Variants in LGSN observed in about 807,000 individuals in gnomAD.
LGSN encodes the protein lengsin.
In LGSN, 21 loss-of-function variants were observed where a neutral mutation model predicts 19.5. The ratio of observed to expected loss-of-function variants is 1.07; its 90% CI spans 0.76 to 1.55. The LOEUF is 1.55. LGSN is among the 40% of genes most tolerant of loss of function. The pLI is 0.00. For synonymous variants in LGSN, 257 were observed against 215.6 expected (o/e 1.19, Z -1.68); for missense variants, 673 against 608.5 (o/e 1.11, Z -1.12).
the LGSN span, among the ~76,000 whole-genome samples, chr6:63,331,430 T>G: frequency 3.9e-5 from 6 of 152,156 alleles, no homozygotes; most frequent in African/African-American, 1.4e-4. Context: ...ATGAGCCACC[T>G]CTTTTTCAGG....
At chr6:63,539,891 A>G in the LGSN span, among the ~76,000 whole-genome samples, 2 of 152,336 alleles carry the variant, frequency 1.3e-5, no homozygotes, top group South Asian at 4.1e-4. Context: ...TTTAAAAAAT[A>G]ATACAGTGAC....
the LGSN span, among the ~76,000 whole-genome samples, chr6:63,522,640 A>G: frequency 6.6e-6 from 1 of 152,188 alleles, no homozygotes; most frequent in Non-Finnish European, 1.5e-5. Context: ...GCCAGAAAAC[A>G]AATATTTGCT....
the LGSN span, among the ~76,000 whole-genome samples, chr6:63,381,177 G>A: frequency 6.6e-6 from 1 of 152,194 alleles, no homozygotes; most frequent in African/African-American, 2.4e-5. Flanking sequence ...GCTCCAGCCT[G>A]GGTGACAGAG....
At chr6:63,431,555 C>A in the LGSN span, among the ~76,000 whole-genome samples, 1 of 152,090 alleles carries the variant, frequency 6.6e-6, no homozygotes, top group African/African-American at 2.4e-5. Flanking sequence ...AGTTGTATGA[C>A]CTTGGCAAAT....
At chr6:63,310,451 C>T (rs1230124207) in intron 1 of LGSN, among the ~76,000 whole-genome samples, 1 of 151,944 alleles carries the variant, frequency 6.6e-6, no homozygotes, top group Admixed American at 6.6e-5. Context: ...TATTATCTCC[C>T]ATTTTTTGTG....
intron 1 of LGSN, among the ~76,000 whole-genome samples, chr6:63,303,372 A>G (rs1768262882): frequency 6.6e-6 from 1 of 152,224 alleles, no homozygotes. Context: ...CTCTCATGGA[A>G]CATTCCTAGA....
chr6:63,495,770 T>C, the LGSN span, among the ~76,000 whole-genome samples: 2 of 151,588 alleles, frequency 1.3e-5, no homozygotes, highest in Non-Finnish European at 2.9e-5. Context: ...TTAAATCTAA[T>C]GAGGGGATTA....
the LGSN span, among the ~76,000 whole-genome samples, chr6:63,355,887 C>CA: frequency 1.3e-5 from 2 of 152,170 alleles, no homozygotes; most frequent in South Asian, 2.1e-4. Flanking sequence ...CCATGTTACT[C>CA]ATGCTGGTTG....
the LGSN span, among the ~76,000 whole-genome samples, chr6:63,380,923 G>A: frequency 2.6e-5 from 4 of 152,100 alleles, no homozygotes; most frequent in South Asian, 4.1e-4. Flanking sequence ...TGGGCCAGGC[G>A]TGGTGGCTCA....
the LGSN span, among the ~76,000 whole-genome samples, chr6:63,325,219 A>C: frequency 6.6e-6 from 1 of 152,114 alleles, no homozygotes; most frequent in African/African-American, 2.4e-5. Flanking sequence ...ACCAAACCCA[A>C]AACTAGTGCA....
intron 2 of LGSN, among the ~76,000 whole-genome samples, chr6:63,290,218 A>T (rs1329126793): frequency 1.3e-5 from 2 of 152,200 alleles, no homozygotes; most frequent in African/African-American, 4.8e-5. Context: ...CCTATAGAGA[A>T]CTTAATACAC....
chr6:63,407,083 C>T, the LGSN span, among the ~76,000 whole-genome samples: 3 of 152,070 alleles, frequency 2.0e-5, no homozygotes, highest in African/African-American at 4.8e-5. Context: ...GATTCACAGC[C>T]AAATTCTACC....
chr6:63,411,255 C>T, the LGSN span, among the ~76,000 whole-genome samples: 1 of 152,164 alleles, frequency 6.6e-6, no homozygotes, highest in African/African-American at 2.4e-5. Flanking sequence ...TGTGAGCTAA[C>T]ATTTACGCAG....
At chr6:63,304,637 A>G (rs1460643919) in intron 1 of LGSN, among the ~76,000 whole-genome samples, 2 of 152,190 alleles carry the variant, frequency 1.3e-5, no homozygotes, top group African/African-American at 4.8e-5. Flanking sequence ...GATTAATAGG[A>G]ACTAATAGGA....
At chr6:63,544,719 T>C in the LGSN span, among the ~76,000 whole-genome samples, 1 of 152,168 alleles carries the variant, frequency 6.6e-6, no homozygotes, top group Non-Finnish European at 1.5e-5. Context: ...TTCTGATGTT[T>C]CCTCATGATT....
intron 1 of LGSN, among the ~76,000 whole-genome samples, chr6:63,318,673 A>T (rs577074347): frequency 2.6e-5 from 4 of 152,286 alleles, no homozygotes; most frequent in Admixed American, 2.0e-4. Context: ...AACAATCAAC[A>T]TTTGGTCTAG....
the LGSN span, among the ~76,000 whole-genome samples, chr6:63,522,889 G>A: frequency 7.2e-6 from 1 of 139,722 alleles, no homozygotes; most frequent in Non-Finnish European, 1.5e-5. Flanking sequence ...TTTTGAGACA[G>A]AGTCTCACTC....
rs1479911789 is a variant in LGSN at position 63,276,543 on chromosome 6, A to C, written c.*3478T>G. On this transcript the variant is annotated 3_prime_UTR_variant, in exon 4 of 4. Transcript: ENST00000370657. The stretch of plus-strand genomic sequence containing the variant: ...CAATTATAGTAAATGAAAATAAGAA[A>C]GCAATTTTTGTAAAGCTATTTATAA... 6.6e-6 allele frequency: 1 copy of C among 152,240 alleles called. No individual in the cohort carries two copies. Among genetic ancestry groups the C allele is most frequent in the Non-Finnish European group, 1.5e-5 (1 of 68,038 alleles). 9.4% of individuals were successfully genotyped at this position (152,240 alleles called of 1,614,324 possible).
chr6:63,302,481 A>G (rs1364326169), intron 1 of LGSN, among the ~76,000 whole-genome samples: 5 of 152,242 alleles, frequency 3.3e-5, no homozygotes, highest in Non-Finnish European at 7.3e-5. Context: ...CTAGAATGAT[A>G]TACATTTGGA....
Sources: allele counts gnomAD v4.1 joint callset (sites outside exome capture counted in the v4.1 genomes callset), GRCh38; gene constraint gnomAD v4.1.1; transcripts MANE v1.5; gene names NCBI Gene and HGNC (gene_info 2026-07-23, HGNC 2026-07-21).